Variants in C12orf42 observed in about 807,000 individuals in gnomAD.
C12orf42 encodes uncharacterized protein C12orf42.
A neutral mutation model predicts 21.6 loss-of-function variants in C12orf42; 25 were observed. The ratio of observed to expected loss-of-function variants is 1.16; its 90% CI spans 0.84 to 1.62. The LOEUF (loss-of-function observed/expected upper bound fraction) is 1.62. C12orf42 is among the 40% of genes most tolerant of loss of function. The pLI, the probability that C12orf42 is intolerant of heterozygous loss-of-function variation, is 0.00. For synonymous variants in C12orf42, 174 were observed against 175.0 expected, an observed-to-expected ratio of 0.99 and a Z score of 0.05; for missense variants, 483 against 459.3, an observed-to-expected ratio of 1.05 and a Z score of -0.47.
chr12:103,151,368 C>T, the C12orf42 span, among the ~76,000 whole-genome samples: 2 of 152,100 alleles, frequency 1.3e-5, no homozygotes, highest in Non-Finnish European at 2.9e-5. Flanking sequence ...AGAAAGAATA[C>T]TTTCCAGCAC....
intron 4 of C12orf42, among the ~76,000 whole-genome samples, chr12:103,358,861 G>C (rs1008348567): frequency 1.3e-5 from 2 of 152,010 alleles, no homozygotes; most frequent in African/African-American, 4.8e-5. Flanking sequence ...ACAACAGTGT[G>C]ATCATTTTTT....
At chr12:103,429,872 G>T (rs1345073262) in intron 2 of C12orf42, among the ~76,000 whole-genome samples, 3 of 152,128 alleles carry the variant, frequency 2.0e-5, no homozygotes, top group African/African-American at 7.2e-5. Flanking sequence ...AATAGGGAAA[G>T]GATTCCCTAT....
intron 4 of C12orf42, among the ~76,000 whole-genome samples, chr12:103,291,281 C>T: frequency 6.6e-6 from 1 of 152,142 alleles, no homozygotes; most frequent in Non-Finnish European, 1.5e-5. Context: ...CCTCTTTATT[C>T]TGAGTTTCCT....
At chr12:103,328,132 A>G (rs2040876525) in intron 4 of C12orf42, among the ~76,000 whole-genome samples, 1 of 152,192 alleles carries the variant, frequency 6.6e-6, no homozygotes, top group African/African-American at 2.4e-5. Flanking sequence ...GGTCAACATC[A>G]TAACATGTTA....
Position 103,302,014 on chromosome 12 carries a change from G to T in C12orf42, c.*94C>A. On this transcript the variant is annotated 3_prime_UTR_variant, in exon 6 of 6. Transcript: ENST00000548883. Reference sequence around the variant, plus strand: ...TTCACAAAAGCCTAACAATGGTTCTGTGGAAACCAGTACATCTGAGGCCCT... The same window carrying T: ...TTCACAAAAGCCTAACAATGGTTCTTTGGAAACCAGTACATCTGAGGCCCT... 1.5e-6 allele frequency: 2 copies of T among 1,341,090 alleles called. No individual in the cohort carries two copies. Among genetic ancestry groups the T allele is most frequent in the Non-Finnish European group, 2.1e-6 (2 of 974,266 alleles). The allele number at this position is 1,341,090 out of a possible 1,614,324, so 83.1% of individuals were successfully genotyped here.
chr12:103,300,396 C>G (rs922286463), downstream of C12orf42, among the ~76,000 whole-genome samples: 2 of 152,120 alleles, frequency 1.3e-5, no homozygotes, highest in Admixed American at 1.3e-4. Context: ...CTTTCTTATA[C>G]CAGTGTTTCA....
chr12:103,561,433 A>G, the C12orf42 span, among the ~76,000 whole-genome samples: 2 of 152,186 alleles, frequency 1.3e-5, no homozygotes, highest in African/African-American at 4.8e-5. Flanking sequence ...TGGTAAGGGC[A>G]GTCTTTCGGT....
intron 1 of C12orf42, among the ~76,000 whole-genome samples, chr12:103,488,013 TATTTTGCCC>T (rs1954950719): frequency 1.3e-5 from 2 of 152,350 alleles, no homozygotes; most frequent in South Asian, 4.1e-4. Flanking sequence ...GTTAGCTGGT[TATTTTGCCC>T]ATTAATTGAT....
intron 4 of C12orf42, among the ~76,000 whole-genome samples, chr12:103,286,182 C>T (rs1202750068): frequency 8.6e-5 from 13 of 151,734 alleles, no homozygotes; most frequent in South Asian, 2.1e-4. Flanking sequence ...ACCCGGGAGG[C>T]GGAGCTTGCA....
At chr12:103,143,233 T>C in the C12orf42 span, among the ~76,000 whole-genome samples, 5 of 152,200 alleles carry the variant, frequency 3.3e-5, no homozygotes, top group African/African-American at 4.8e-5. Flanking sequence ...GCATTTCCAA[T>C]ACCCTGACCC....
chr12:103,060,653 G>A, the C12orf42 span, among the ~76,000 whole-genome samples: 2 of 152,078 alleles, frequency 1.3e-5, no homozygotes, highest in African/African-American at 4.8e-5. Context: ...ACAGAACAGA[G>A]ACCTCAGAAA....
At chr12:103,497,578 A>G (rs896540333), upstream of C12orf42, among the ~76,000 whole-genome samples, 3 of 152,146 alleles carry the variant, frequency 2.0e-5, no homozygotes, top group East Asian at 5.8e-4. Context: ...CCCTTTGTCT[A>G]CTCTGTTACC....
rs750868580 is a variant in C12orf42 at position 103,306,291 on chromosome 12, C to T, written c.314G>A (p.Cys105Tyr). 11 of 1,613,370 alleles carry T rather than the reference C, an allele frequency of 6.8e-6. No homozygotes were observed. Among genetic ancestry groups the T allele is most frequent in the Admixed American group, 1.7e-5 (1 of 59,854 alleles). ...SMACKRLLHT[C>Y]QYIVPRCSVS... Reference sequence around the variant, plus strand: ...AGAACACCTGGGGACTATGTACTGGCAAGTATGAAGTAGTCTTTTACACGC... The same window carrying T: ...AGAACACCTGGGGACTATGTACTGGTAAGTATGAAGTAGTCTTTTACACGC... The change falls in exon 5 of 6, where the codon TGC becomes TAC. Residue 105 changes from cysteine to tyrosine, a missense_variant. By Grantham distance (194) the Cys-to-Tyr change is radical (BLOSUM62 -2). Coordinates refer to ENST00000548883, the MANE Select transcript of C12orf42 (RefSeq NM_198521.5).
In C12orf42 at chr12:103,244,249, C is replaced by T. The variant is rs115642974; in HGVS notation, c.*1367-6347G>A. On this transcript the variant is annotated intron_variant and NMD_transcript_variant, in intron 10 of 10. Transcript: ENST00000547347. Reference sequence around the variant, plus strand: ...TGCTGGAGGCTTGGGCTGATGTCAACCTAACAAGGGCTCTTGGAGTGATTG... The same window carrying T: ...TGCTGGAGGCTTGGGCTGATGTCAATCTAACAAGGGCTCTTGGAGTGATTG... Among the ~76,000 whole-genome samples the T allele has an allele frequency of 5.8e-3, 888 of 152,152 alleles. 9 individuals are homozygous for T. Among genetic ancestry groups the T allele is most frequent in the African/African-American group, 0.02 (850 of 41,532 alleles).
At chr12:103,387,399 G>A (rs757316583) in intron 3 of C12orf42, among the ~76,000 whole-genome samples, 1 of 152,174 alleles carries the variant, frequency 6.6e-6, no homozygotes, top group Non-Finnish European at 1.5e-5. Flanking sequence ...GTGCACACAT[G>A]CACAGACATG....
intron 2 of C12orf42, among the ~76,000 whole-genome samples, chr12:103,445,321 G>A (rs1007924538): frequency 1.3e-5 from 2 of 151,916 alleles, no homozygotes; most frequent in Non-Finnish European, 2.9e-5. Flanking sequence ...TGAGAGCAGA[G>A]GAAAAACAGT....
At chr12:103,368,823 C>A in intron 4 of C12orf42, 64 bp downstream of exon 4, 1 of 813,550 alleles carries the variant, frequency 1.2e-6, no homozygotes, top group Non-Finnish European at 2.0e-6. Context: ...ATGATTATTA[C>A]CTGTACATAG....
At chr12:103,328,312 C>T (rs1429137929) in intron 4 of C12orf42, among the ~76,000 whole-genome samples, 2 of 151,810 alleles carry the variant, frequency 1.3e-5, no homozygotes, top group Non-Finnish European at 2.9e-5. Flanking sequence ...GATTTCATTG[C>T]TGGAAATTAG....
the C12orf42 span, among the ~76,000 whole-genome samples, chr12:103,145,204 T>A: frequency 6.6e-5 from 10 of 152,230 alleles, no homozygotes; most frequent in Non-Finnish European, 1.0e-4. Flanking sequence ...ATTTTAACTC[T>A]GTTATTTCTA....
Sources: gnomAD v4.1 joint callset for allele counts (sites outside exome capture counted in the v4.1 genomes callset) on GRCh38, gnomAD v4.1.1 for gene constraint, MANE v1.5 for transcripts, NCBI Gene and HGNC (gene_info 2026-07-23, HGNC 2026-07-21) for gene names.